Variants in VAT1L observed in about 807,000 individuals in gnomAD.
The protein encoded by VAT1L is vesicle amine transport 1 like, also known as putative NADPH-dependent quinone oxidoreductase VAT1L.
In VAT1L, 34 loss-of-function variants were observed where a neutral mutation model predicts 44.1. The observed-to-expected ratio is 0.77, with a 90% CI of 0.59 to 1.03. The LOEUF (loss-of-function observed/expected upper bound fraction) is 1.03, where lower values mean the gene tolerates loss of function less well. Ranked by LOEUF, VAT1L falls within the 50% of genes least tolerant of loss-of-function variation. VAT1L has a pLI of 0.00. For synonymous variants in VAT1L, 253 were observed against 202.2 expected, an observed-to-expected ratio of 1.25 and a Z score of -2.13; for missense variants, 615 against 538.8, an observed-to-expected ratio of 1.14 and a Z score of -1.40.
At chr16:77,908,735 G>A (rs112062420) in intron 7 of VAT1L, among the ~76,000 whole-genome samples, 2 of 151,738 alleles carry the variant, frequency 1.3e-5, no homozygotes, top group African/African-American at 2.4e-5. Context: ...CTAACACAGC[G>A]AAACCCGTCT....
intron 3 of VAT1L, among the ~76,000 whole-genome samples, chr16:77,837,774 T>C (rs2016655404): frequency 6.6e-6 from 1 of 152,222 alleles, no homozygotes; most frequent in Non-Finnish European, 1.5e-5. Context: ...ACAGGTCTAA[T>C]ACGTATTGTA....
At chr16:77,958,999 C>G (rs1488186438) in intron 7 of VAT1L, among the ~76,000 whole-genome samples, 1 of 152,206 alleles carries the variant, frequency 6.6e-6, no homozygotes, top group Non-Finnish European at 1.5e-5. Flanking sequence ...AGGACCAAGA[C>G]TATGATTAGT....
At chr16:77,927,641 G>A (rs1317753191) in intron 7 of VAT1L, among the ~76,000 whole-genome samples, 1 of 152,058 alleles carries the variant, frequency 6.6e-6, no homozygotes, top group Non-Finnish European at 1.5e-5. Context: ...ACTTTGGGAG[G>A]CTGAGGTGGG....
At chr16:77,943,293 G>A (rs1055824978) in intron 7 of VAT1L, among the ~76,000 whole-genome samples, 13 of 151,608 alleles carry the variant, frequency 8.6e-5, no homozygotes, top group African/African-American at 2.4e-4. Context: ...CTGACCTCAG[G>A]TGATCCACCC....
intron 3 of VAT1L, among the ~76,000 whole-genome samples, chr16:77,835,837 C>T (rs1046503309): frequency 2.0e-5 from 3 of 151,792 alleles, no homozygotes; most frequent in African/African-American, 7.3e-5. Flanking sequence ...CATGCCTTTG[C>T]ACTCCAGCCT....
At chr16:77,878,778 C>CA (rs2017116850) in intron 5 of VAT1L, among the ~76,000 whole-genome samples, 1 of 152,190 alleles carries the variant, frequency 6.6e-6, no homozygotes, top group Non-Finnish European at 1.5e-5. Context: ...CCAAGCCCCT[C>CA]ACTTGCTGGG....
intron 7 of VAT1L, among the ~76,000 whole-genome samples, chr16:77,892,014 G>T (rs1020423386): frequency 1.3e-5 from 2 of 152,194 alleles, no homozygotes; most frequent in Admixed American, 6.5e-5. Flanking sequence ...GGAGGTTGCA[G>T]TGAGCTGAGA....
In VAT1L at chr16:77,979,031, A is replaced by G. The variant is rs1175420030; in HGVS notation, c.*1336A>G. The stretch of plus-strand genomic sequence containing the variant: ...ACCCCAACTTTGTGTTCTGAAAAAC[A>G]TCAGAGGGATTTTACATTGCCCAGT... On this transcript the variant is annotated 3_prime_UTR_variant, in exon 9 of 9. Coordinates refer to ENST00000302536, the MANE Select transcript of VAT1L (RefSeq NM_020927.3). The G allele has an allele frequency of 2.0e-5, 3 of 152,386 alleles. No individual in the cohort carries two copies. Among genetic ancestry groups the G allele is most frequent in the South Asian group, 4.1e-4 (2 of 4,822 alleles). The allele number at this position is 152,386 out of a possible 1,614,324, so 9.4% of individuals were successfully genotyped here. A position where few individuals can be genotyped will look rare whatever the true frequency, so the allele number is the denominator to read the frequency against.
chr16:77,806,936 G>A (rs2016171360), intron 1 of VAT1L, among the ~76,000 whole-genome samples: 1 of 152,112 alleles, frequency 6.6e-6, no homozygotes, highest in Non-Finnish European at 1.5e-5. Flanking sequence ...GAGAGAATGG[G>A]AGCAAGAGGC....
chr16:77,969,974 G>C (rs1009022380), intron 7 of VAT1L, among the ~76,000 whole-genome samples: 3 of 150,286 alleles, frequency 2.0e-5, no homozygotes, highest in African/African-American at 7.3e-5. Flanking sequence ...GCACTTAGGG[G>C]AGGCCAACGG....
intron 7 of VAT1L, among the ~76,000 whole-genome samples, chr16:77,925,616 G>A (rs1007662425): frequency 3.3e-5 from 5 of 152,186 alleles, no homozygotes; most frequent in Non-Finnish European, 4.4e-5. Flanking sequence ...AGCAGGAGAT[G>A]AGACTAGCTA....
intron 3 of VAT1L, among the ~76,000 whole-genome samples, chr16:77,860,807 G>A: frequency 6.6e-6 from 1 of 152,192 alleles, no homozygotes; most frequent in East Asian, 1.9e-4. Context: ...CAGAGTCTCA[G>A]GTTCATGCCC....
chr16:77,956,597 TTC>T (rs1597120454), intron 7 of VAT1L, among the ~76,000 whole-genome samples: 1 of 152,206 alleles, frequency 6.6e-6, no homozygotes, highest in East Asian at 1.9e-4. Context: ...GAGACTTATC[TTC>T]TCCCATTACA....
chr16:77,791,708 C>A (rs1244937177), intron 1 of VAT1L, among the ~76,000 whole-genome samples: 1 of 152,168 alleles, frequency 6.6e-6, no homozygotes, highest in African/African-American at 2.4e-5. Context: ...GAAGATGGTT[C>A]CTTTGCTCTT....
chr16:77,922,985 T>C (rs2017628405), intron 7 of VAT1L, among the ~76,000 whole-genome samples: 1 of 152,158 alleles, frequency 6.6e-6, no homozygotes, highest in East Asian at 1.9e-4. Context: ...CACTAAATCT[T>C]CAGAGCCACC....
At chr16:77,809,521 C>T (rs980172364) in intron 1 of VAT1L, among the ~76,000 whole-genome samples, 1 of 152,126 alleles carries the variant, frequency 6.6e-6, no homozygotes, top group African/African-American at 2.4e-5. Context: ...GCAACCCTAA[C>T]AGCACATGAG....
chr16:77,853,288 C>T (rs1426493681), intron 3 of VAT1L, among the ~76,000 whole-genome samples: 2 of 152,086 alleles, frequency 1.3e-5, no homozygotes, highest in Non-Finnish European at 2.9e-5. Flanking sequence ...CTACAGGATC[C>T]CACACACTAA....
chr16:77,811,813 C>G (rs138486901), intron 1 of VAT1L, among the ~76,000 whole-genome samples: 71 of 152,272 alleles, frequency 4.7e-4, no homozygotes, highest in Middle Eastern at 3.4e-3. Flanking sequence ...TAGCTTTTAA[C>G]TCTTATATAA....
chr16:77,835,799 G>C (rs916819912), intron 3 of VAT1L, among the ~76,000 whole-genome samples: 2 of 152,060 alleles, frequency 1.3e-5, no homozygotes, highest in Admixed American at 6.6e-5. Context: ...CTTGAACCCC[G>C]GAGGCGGAGG....
Sources: gnomAD v4.1 joint callset for allele counts (sites outside exome capture counted in the v4.1 genomes callset) on GRCh38, gnomAD v4.1.1 for gene constraint, MANE v1.5 for transcripts, NCBI Gene and HGNC (gene_info 2026-07-23, HGNC 2026-07-21) for gene names.